NUP160: variants seen among roughly 807,000 people sequenced by gnomAD.
NUP160 encodes the protein nucleoporin 160.
Under a neutral mutation model 196.9 loss-of-function variants are expected in NUP160, and 94 were observed. That is an observed-to-expected ratio of 0.48 (90% confidence interval 0.40 to 0.57). NUP160 has a LOEUF of 0.57. Ranked by LOEUF, NUP160 falls within the 20% of genes least tolerant of loss-of-function variation. The pLI is 0.00. For synonymous variants in NUP160, 605 were observed against 619.7 expected (o/e 0.98, Z 0.35); for missense variants, 1,638 against 1,748.3 (o/e 0.94, Z 1.13).
intron 11 of NUP160, 60 bp downstream of exon 11, chr11:47,817,996 T>G: frequency 1.0e-6 from 1 of 989,010 alleles, no homozygotes; most frequent in Admixed American, 2.0e-5. Context: ...TTAATAGTAA[T>G]TATATACAGT....
exon 33 of NUP160, chr11:47,784,962 T>A (rs1466148735): frequency 6.2e-7 from 1 of 1,604,142 alleles, no homozygotes; most frequent in African/African-American, 1.3e-5. Context: ...AGGCACTCCA[T>A]GAGACAAGAG....
exon 14 of NUP160, chr11:47,813,321 G>A (rs754244388): frequency 6.3e-7 from 1 of 1,578,274 alleles, no homozygotes; most frequent in South Asian, 1.1e-5. Flanking sequence ...ATTACCATCA[G>A]ATATGGTTGT....
chr11:47,841,605 A>G, intron 2 of NUP160: 1 of 432,830 alleles, frequency 2.3e-6, no homozygotes, highest in Admixed American at 2.7e-5. Flanking sequence ...CCAGTGTTAC[A>G]AGGAAGGCCA....
intron 21 of NUP160, 146 bp from the exon 22 acceptor site, chr11:47,803,682 A>C (rs888497186): frequency 5.0e-6 from 3 of 599,516 alleles, no homozygotes; most frequent in Non-Finnish European, 9.0e-6. Flanking sequence ...ATTAAAACCT[A>C]CCCCTGTTGC....
intron 27 of NUP160, among the ~76,000 whole-genome samples, chr11:47,794,820 G>C (rs1182945202): frequency 6.6e-6 from 1 of 152,046 alleles, no homozygotes; most frequent in African/African-American, 2.4e-5. Flanking sequence ...TCTGAGGCAG[G>C]AGAATCGCTT....
chr11:47,845,669 G>A (rs979376551), intron 2 of NUP160, among the ~76,000 whole-genome samples: 2 of 152,062 alleles, frequency 1.3e-5, no homozygotes, highest in African/African-American at 4.8e-5. Context: ...CCCTAAAAAC[G>A]GACTGAAATA....
At chr11:47,784,000 C>G (rs1039297020) in intron 33 of NUP160, among the ~76,000 whole-genome samples, 6 of 65,460 alleles carry the variant, frequency 9.2e-5, no homozygotes, top group African/African-American at 2.4e-4. Context: ...GGCCTCCTTT[C>G]TACCTTAAAA....
chr11:47,787,779 G>A (rs1257737879), intron 31 of NUP160, among the ~76,000 whole-genome samples: 2 of 151,962 alleles, frequency 1.3e-5, no homozygotes, highest in East Asian at 1.9e-4. Context: ...GTGCAGTGGC[G>A]CGATCTCGGC....
intron 7 of NUP160, among the ~76,000 whole-genome samples, chr11:47,825,844 A>G (rs1410993445): frequency 6.6e-6 from 1 of 152,192 alleles, no homozygotes; most frequent in Non-Finnish European, 1.5e-5. Context: ...TCGGCCTTCT[A>G]AAGTGCTGGG....
rs1477306193 is a variant in NUP160, at chr11:47,783,061, G to C, written c.4116+12C>G. The C allele has an allele frequency of 6.2e-7, 1 of 1,610,200 alleles. No individual in the cohort carries two copies. Among genetic ancestry groups the C allele is most frequent in the South Asian group, 1.1e-5 (1 of 90,692 alleles). On this transcript the variant is annotated intron_variant, in intron 34 of 35. Transcript: ENST00000378460. ...AACCATTGTAAATTGGGGACCATTT[G>C]TATATGCCTACCTCAATTCCGAAGT...
intron 7 of NUP160, among the ~76,000 whole-genome samples, chr11:47,828,035 A>AATTTTTGCT (rs1431545730): frequency 6.6e-6 from 1 of 152,114 alleles, no homozygotes; most frequent in African/African-American, 2.4e-5. Context: ...ATGCTCAGCT[A>AATTTTTGCT]ATTTTTGCTA....
At chr11:47,803,803 A>G (rs147330811) in intron 21 of NUP160, among the ~76,000 whole-genome samples, 371 of 152,296 alleles carry the variant, frequency 2.4e-3, no homozygotes, top group Middle Eastern at 0.014. Context: ...TATTGGTTCA[A>G]TGACTAGATT....
chr11:47,834,825 G>A (rs151109239), intron 7 of NUP160, among the ~76,000 whole-genome samples: 1 of 152,222 alleles, frequency 6.6e-6, no homozygotes, highest in African/African-American at 2.4e-5. Context: ...TCGGGGGGAG[G>A]AGCACGAACA....
At chr11:47,780,534 A>C in intron 34 of NUP160, 87 bp from the exon 35 acceptor site, 1 of 749,804 alleles carries the variant, frequency 1.3e-6, no homozygotes. Flanking sequence ...TGTAGAATAA[A>C]ATACCCTTTT....
At chr11:47,824,033 A>G (rs1274760220) in intron 7 of NUP160, among the ~76,000 whole-genome samples, 6 of 123,554 alleles carry the variant, frequency 4.9e-5, no homozygotes, top group Middle Eastern at 4.2e-3. Flanking sequence ...ATATATATAT[A>G]TATATATATA....
At chr11:47,820,698 C>T (rs1851839708) in intron 9 of NUP160, among the ~76,000 whole-genome samples, 1 of 152,088 alleles carries the variant, frequency 6.6e-6, no homozygotes, top group Non-Finnish European at 1.5e-5. Context: ...ATTACAGGCA[C>T]ATACCACCAC....
rs1565203496 is a variant in NUP160 at position 47,824,045 on chromosome 11, A to ATATATATATATATATG, written c.1102-1882_1102-1881insCATATATATATATATA. ...TATATATATATATATATATATATAT[A>ATATATATATATATATG]TATATATACACACACACATAGAAGT... On this transcript the variant is annotated intron_variant, in intron 7 of 35. Coordinates refer to ENST00000378460, the Ensembl canonical transcript of NUP160. Among the ~76,000 whole-genome samples, 218 of 98,336 alleles carry ATATATATATATATATG rather than the reference A, an allele frequency of 2.2e-3. 2 individuals carry two copies. The highest frequency in any genetic ancestry group is 6.4e-3 in the African/African-American group (202 of 31,322). The allele number at this position is 98,336 out of a possible 152,430, so 64.5% of individuals were successfully genotyped here. A position where few individuals can be genotyped will look rare whatever the true frequency, so the allele number is the denominator to read the frequency against.
chr11:47,782,302 AAATATATATATATAT>A (rs1266145518), intron 34 of NUP160, among the ~76,000 whole-genome samples: 6 of 42,580 alleles, frequency 1.4e-4, no homozygotes, highest in African/African-American at 1.8e-4. Flanking sequence ...AAAAAAAAAA[AAATATATATATATAT>A]ATATATATAT....
chr11:47,796,015 G>C (rs1326236809), intron 27 of NUP160, among the ~76,000 whole-genome samples: 1 of 151,824 alleles, frequency 6.6e-6, no homozygotes, highest in Non-Finnish European at 1.5e-5. Flanking sequence ...TTAACCGGGC[G>C]TGGTGGTAGG....
Sources: gnomAD v4.1 joint callset for allele counts (sites outside exome capture counted in the v4.1 genomes callset) on GRCh38, gnomAD v4.1.1 for gene constraint, MANE v1.5 for transcripts, NCBI Gene and HGNC (gene_info 2026-07-23, HGNC 2026-07-21) for gene names.